Variants in THBS3 observed in about 807,000 individuals in gnomAD.
THBS3 encodes thrombospondin-3.
In THBS3, 78 loss-of-function variants were observed where a neutral mutation model predicts 118.3. The observed-to-expected ratio is 0.66, with a 90% CI of 0.55 to 0.80. The LOEUF is 0.80. Among genes scored for constraint, THBS3 ranks in the 30% least tolerant of loss-of-function variants. The pLI is 0.00. For synonymous variants in THBS3, 427 were observed against 475.3 expected (o/e 0.90, Z 1.32); for missense variants, 1,057 against 1,247.4 (o/e 0.85, Z 2.30).
Position 155,200,042 on chromosome 1 carries a change from C to T in THBS3, c.1780G>A (p.Val594Met), listed in dbSNP as rs946890698. The T allele has an allele frequency of 6.2e-7, 1 of 1,604,006 alleles. No individual in the cohort carries two copies. The change falls in exon 15 of 23, where the codon GTG becomes ATG. Residue 594 changes from valine (V) to methionine (M), a missense_variant. Physicochemically the swap from Val to Met is conservative, Grantham distance 21. Coordinates refer to ENST00000368378, the MANE Select transcript of THBS3 (RefSeq NM_007112.5). ...GGGCAGCTGTCGCAAGCATCTCCCACCCCGTCCTCATCCCTGTCTGTCTGT... is the reference window on the plus strand; with the variant it reads ...GGGCAGCTGTCGCAAGCATCTCCCATCCCGTCCTCATCCCTGTCTGTCTGT... ...PLQTDRDEDG[V>M]GDACDSCPEM...
chr1:155,206,416 CA>C lies in THBS3; in HGVS notation c.80-11del. On this transcript the variant is annotated splice_polypyrimidine_tract_variant and intron_variant, in intron 1 of 22. Transcript: ENST00000368378. The surrounding 1 kb of genome is among the most constrained non-coding windows in gnomAD (Gnocchi z 4.2). ...GTCAGCAGGTCAATTACTGGTCAGG[CA>C]GGGGTTATCAAGGTTAGAGAATGGG... 5 of 1,613,494 alleles carry C rather than the reference CA, an allele frequency of 3.1e-6. No homozygotes were observed. Among genetic ancestry groups the C allele is most frequent in the Non-Finnish European group, 3.4e-6 (4 of 1,179,736 alleles).
At chr1:155,203,841 AT>A (rs397960325) in intron 4 of THBS3, among the ~76,000 whole-genome samples, 1,511 of 141,508 alleles carry the variant, frequency 0.011, 5 homozygotes, top group Non-Finnish European at 0.014. Flanking sequence ...GTATATCCCC[AT>A]TTTTTTTTTT....
At chr1:155,203,400 C>G (rs1571911292) in intron 5 of THBS3, 95 bp from the exon 6 acceptor site, 1 of 1,585,266 alleles carries the variant, frequency 6.3e-7, no homozygotes, top group East Asian at 2.3e-5. Context: ...GCTGCCCACC[C>G]CTGCCTTTAA....
At position 155,201,902 on chromosome 1, in the gene THBS3, G is replaced by A. The variant is rs1222148364; in HGVS notation, c.1176+55C>T. 5 of 1,609,212 alleles carry A rather than the reference G, an allele frequency of 3.1e-6. No individual in the cohort carries two copies. The South Asian group carries it at 4.4e-5, about 14-fold the overall frequency. ...AATTTGAAGGTAAGAAGGGGCGGGG[G>A]TTGGGGTTTTACCATTCCCACCACC... On this transcript the variant is annotated intron_variant, in intron 10 of 22. Coordinates refer to ENST00000368378, the MANE Select transcript of THBS3 (RefSeq NM_007112.5).
At position 155,202,743 on chromosome 1, in the gene THBS3, C is replaced by G. The variant is rs1019924202; in HGVS notation, c.957+69G>C. ...CTCCTCCGGACCAGCATTTATCCCA[C>G]CCTCTTGGGTGCCTCCTGACATCCT... On this transcript the variant is annotated intron_variant, in intron 8 of 22. Coordinates refer to ENST00000368378, the MANE Select transcript of THBS3 (RefSeq NM_007112.5). This position sits in a 1 kb window ranked among gnomAD's most constrained non-coding sequence, Gnocchi z 5.5. The G allele has an allele frequency of 1.9e-5, 30 of 1,544,144 alleles. No individual in the cohort carries two copies. Among genetic ancestry groups the G allele is most frequent in the Non-Finnish European group, 2.4e-5 (28 of 1,144,636 alleles).
Position 155,197,252 on chromosome 1 carries a change from A to G in THBS3, c.2500-39T>C, listed in dbSNP as rs1442007186. 2 of 1,603,596 alleles carry G rather than the reference A, an allele frequency of 1.2e-6. No homozygotes were observed. Among genetic ancestry groups the G allele is most frequent in the Admixed American group, 1.7e-5 (1 of 59,808 alleles). On this transcript the variant is annotated intron_variant, in intron 20 of 22. Transcript: ENST00000368378. This position sits in a 1 kb window ranked among gnomAD's most constrained non-coding sequence, Gnocchi z 5.0. ...GCAAAGACAGTGGGTCAACTGCAGAACTGGAGTGAGGGGAGACAACAGGTC... is the reference window on the plus strand; with the variant it reads ...GCAAAGACAGTGGGTCAACTGCAGAGCTGGAGTGAGGGGAGACAACAGGTC...
At chr1:155,201,072 C>T (rs1267447070) in intron 12 of THBS3, 22 bp downstream of exon 12, 1 of 1,614,104 alleles carries the variant, frequency 6.2e-7, no homozygotes, top group Non-Finnish European at 8.5e-7. Flanking sequence ...ACTACGCCCC[C>T]TTGCCCGCCT....
intron 17 of THBS3, 43 bp from the exon 18 acceptor site, chr1:155,198,263 T>A: frequency 6.2e-7 from 1 of 1,607,944 alleles, no homozygotes; most frequent in Non-Finnish European, 8.5e-7. Flanking sequence ...CCCTGGCCAC[T>A]GCCATTAGGC....
Position 155,203,546 on chromosome 1 carries a change from A to G in THBS3, c.647-7T>C, listed in dbSNP as rs1670113837. 1 of 1,612,452 alleles carries G rather than the reference A, an allele frequency of 6.2e-7. No individual in the cohort carries two copies. The highest frequency in any genetic ancestry group is 1.1e-5 in the South Asian group (1 of 90,964). On this transcript the variant is annotated splice_polypyrimidine_tract_variant and splice_region_variant and intron_variant, in intron 4 of 22. Coordinates refer to ENST00000368378, the MANE Select transcript of THBS3 (RefSeq NM_007112.5). ...GAGTGCAGTGCATTGGTCACTGGAG[A>G]GGAGAAGAAAACATAGTCAGAGGGG...
Position 155,200,926 on chromosome 1 carries a change from C to T in THBS3, c.1519G>A (p.Ala507Thr), listed in dbSNP as rs770076641. ...DGVGDQCDDD[A>T]DGDGIKNVED... ...ACATTCTTGATCCCATCCCCATCAGCATCATCATCACACTGGTCCCCCACA... is the reference window on the plus strand; with the variant it reads ...ACATTCTTGATCCCATCCCCATCAGTATCATCATCACACTGGTCCCCCACA... Residue 507 changes from alanine (A) to threonine (T), a missense_variant, in exon 13 of 23, where the codon GCT becomes ACT. By Grantham distance (58) the Ala-to-Thr change is moderately conservative. Coordinates refer to ENST00000368378, the MANE Select transcript of THBS3 (RefSeq NM_007112.5). The T allele has an allele frequency of 1.2e-6, 2 of 1,613,998 alleles. No homozygotes were observed. Among genetic ancestry groups the T allele is most frequent in the Non-Finnish European group, 1.7e-6 (2 of 1,180,014 alleles).
Position 155,198,397 on chromosome 1 carries a change from C to T in THBS3, c.2074+12G>A, listed in dbSNP as rs1248251762. 1 of 1,611,694 alleles carries T rather than the reference C, an allele frequency of 6.2e-7. No homozygotes were observed. The highest frequency in any genetic ancestry group is 1.1e-5 in the South Asian group (1 of 90,858). On this transcript the variant is annotated intron_variant, in intron 17 of 22. Transcript: ENST00000368378. Reference sequence around the variant, plus strand: ...AACACCAGTCTAACGTGCTCTGGGTCCGCAGGCTTACCATCTGAGTCCTTC... The same window carrying T: ...AACACCAGTCTAACGTGCTCTGGGTTCGCAGGCTTACCATCTGAGTCCTTC...
rs145573392 is a variant in THBS3 at position 155,207,803 on chromosome 1, A to G, written c.74T>C (p.Leu25Pro). The G allele has an allele frequency of 8.7e-6, 14 of 1,614,074 alleles. No individual in the cohort carries two copies. The highest frequency in any genetic ancestry group is 1.7e-4 in the Middle Eastern group (1 of 6,058). Residue 25 changes from leucine to proline, a missense_variant, in exon 1 of 23, where the codon CTG (leucine) becomes CCG (proline). Physicochemically the swap from Leu to Pro is moderately conservative, Grantham distance 98. This residue lies in a region of THBS3 where 206 missense variants were observed against 205.7 expected (regional missense o/e 1.00). Coordinates refer to ENST00000368378, the MANE Select transcript of THBS3 (RefSeq NM_007112.5). The part of the protein sequence containing the change: ...LCFFTSASQD[L>P]QVIDLLTVGE... Reference sequence around the variant, plus strand: ...GAGGATGGAGACAGGCTTACCCTGCAGATCCTGACTGGCAGATGTGAAAAA... The same window carrying G: ...GAGGATGGAGACAGGCTTACCCTGCGGATCCTGACTGGCAGATGTGAAAAA...
In THBS3 at chr1:155,195,684, G is replaced by T. The variant is rs1668549077; in HGVS notation, c.*157C>A. 1.4e-6 allele frequency: 1 copy of T among 733,828 alleles called. No individual in the cohort carries two copies. The highest frequency in any genetic ancestry group is 2.3e-6 in the Non-Finnish European group (1 of 437,224). 45.5% of individuals were successfully genotyped at this position (733,828 alleles called of 1,614,324 possible). ...TTGAAAACTTCTCATCCCCTGAAGGGTGGGGTGACCACCCCTCTGGGACTG... is the reference window on the plus strand; with the variant it reads ...TTGAAAACTTCTCATCCCCTGAAGGTTGGGGTGACCACCCCTCTGGGACTG... On this transcript the variant is annotated 3_prime_UTR_variant, in exon 23 of 23. Transcript: ENST00000368378.
At position 155,195,773 on chromosome 1, in the gene THBS3, G is replaced by C; in HGVS notation, c.*68C>G. ...TGAGGGGCTGTAGCTTAGACCTCAG[G>C]GTCTCCAGGATGGACCCCAAGGCCA... On this transcript the variant is annotated 3_prime_UTR_variant, in exon 23 of 23. Coordinates refer to ENST00000368378, the MANE Select transcript of THBS3 (RefSeq NM_007112.5). 1 of 1,551,488 alleles carries C rather than the reference G, an allele frequency of 6.4e-7. No homozygotes were observed. The highest frequency in any genetic ancestry group is 8.8e-7 in the Non-Finnish European group (1 of 1,134,806).
intron 2 of THBS3, 57 bp from the exon 3 acceptor site, chr1:155,205,373 G>A (rs1303956426): frequency 3.7e-5 from 58 of 1,586,382 alleles, no homozygotes; most frequent in Non-Finnish European, 4.9e-5. Flanking sequence ...CCTCCCAGCT[G>A]AGCCTTGGAT....
In THBS3 at chr1:155,197,961, G is replaced by A. The variant is rs1557856298; in HGVS notation, c.2254-33C>T. The A allele has an allele frequency of 1.2e-6, 2 of 1,614,144 alleles. No homozygotes were observed. The highest frequency in any genetic ancestry group is 1.7e-6 in the Non-Finnish European group (2 of 1,180,014). ...TGTATAGTAAAGAAAAAGCTGTGAT[G>A]CAGGTGTGCTATCCCTCCCAGGCCC... On this transcript the variant is annotated intron_variant, in intron 18 of 22. Transcript: ENST00000368378. The surrounding 1 kb of genome is among the most constrained non-coding windows in gnomAD (Gnocchi z 5.0).
rs1176261866 is a variant in THBS3 at position 155,205,234 on chromosome 1, G to A, written c.369C>T (p.His123=). 13 of 1,614,056 alleles carry A rather than the reference G, an allele frequency of 8.1e-6. 1 individual carries two copies. The highest frequency in any genetic ancestry group is 3.3e-5 in the South Asian group (3 of 91,090). Residue 123 remains histidine (H), a synonymous_variant, in exon 3 of 23, where the codon CAC becomes CAT. Transcript: ENST00000368378. ...QQAGLADGRT[H]TVLLRLRGPS... ...GACCTCGGAGTCGCAGGAGAACTGT[G>A]TGTGTGCGCCCATCAGCCAGGCCCG...
chr1:155,205,497 G>A (rs906285750), intron 2 of THBS3, 181 bp from the exon 3 acceptor site: 1 of 872,120 alleles, frequency 1.1e-6, no homozygotes, highest in Admixed American at 2.9e-5. Flanking sequence ...TGCTTTAGAG[G>A]CCAGGCACGG....
At chr1:155,198,926 C>T (rs768741562) in intron 16 of THBS3, among the ~76,000 whole-genome samples, 25 of 152,010 alleles carry the variant, frequency 1.6e-4, no homozygotes, top group Non-Finnish European at 2.5e-4. Flanking sequence ...TCGAGACCAG[C>T]CTGGCCAACA....
Sources: allele counts gnomAD v4.1 joint callset (sites outside exome capture counted in the v4.1 genomes callset), GRCh38; gene constraint gnomAD v4.1.1; regional missense constraint gnomAD v4.1.1; non-coding constraint Gnocchi (gnomAD v3.1); transcripts MANE v1.5; gene names NCBI Gene and HGNC (gene_info 2026-07-23, HGNC 2026-07-21).